Variants in CSGALNACT1 observed in about 807,000 individuals in gnomAD.
CSGALNACT1 encodes chondroitin sulfate N-acetylgalactosaminyltransferase 1, also known as beta4GalNAcT-1.
A neutral mutation model predicts 51.0 loss-of-function variants in CSGALNACT1; 52 were observed. The ratio of observed to expected loss-of-function variants is 1.02; its 90% CI spans 0.82 to 1.29. The LOEUF (loss-of-function observed/expected upper bound fraction) is 1.29, where lower values mean the gene tolerates loss of function less well. CSGALNACT1 is among the 50% of genes most tolerant of loss of function. The pLI, the probability that CSGALNACT1 is intolerant of heterozygous loss-of-function variation, is 0.00. For missense variants in CSGALNACT1, 935 were observed against 679.2 expected, an observed-to-expected ratio of 1.38 and a Z score of -4.19; for synonymous variants, 341 against 254.4, an observed-to-expected ratio of 1.34 and a Z score of -3.24.
intron 5 of CSGALNACT1, 118 bp from the exon 5 acceptor site, chr8:19,440,049 G>A (rs1390388124): frequency 3.7e-6 from 3 of 804,998 alleles, no homozygotes; most frequent in Admixed American, 2.0e-5. Context: ...TAAACTTCCA[G>A]GAGAGCCGAG....
At chr8:19,661,562 C>T (rs547520262) in intron 1 of CSGALNACT1, among the ~76,000 whole-genome samples, 12 of 152,284 alleles carry the variant, frequency 7.9e-5, no homozygotes, top group East Asian at 5.8e-4. Context: ...GTACTATTCC[C>T]GCTATGTGGA....
chr8:19,644,431 G>A (rs1361177290), intron 1 of CSGALNACT1, among the ~76,000 whole-genome samples: 2 of 149,892 alleles, frequency 1.3e-5, no homozygotes, highest in African/African-American at 2.4e-5. Context: ...AATGAGGGGC[G>A]GGGTGCAGTG....
intron 1 of CSGALNACT1, among the ~76,000 whole-genome samples, chr8:19,699,661 T>A (rs951387866): frequency 6.6e-6 from 1 of 152,224 alleles, no homozygotes; most frequent in Non-Finnish European, 1.5e-5. Flanking sequence ...TCTTGTTTAA[T>A]GGGTACAGTT....
chr8:19,510,753 A>C (rs1431545701), intron 3 of CSGALNACT1, among the ~76,000 whole-genome samples: 1 of 152,250 alleles, frequency 6.6e-6, no homozygotes, highest in Non-Finnish European at 1.5e-5. Context: ...ACAGAAGTTT[A>C]AGATAAATGT....
intron 6 of CSGALNACT1, among the ~76,000 whole-genome samples, chr8:19,438,689 A>G (rs528756929): frequency 3.0e-4 from 45 of 152,248 alleles, no homozygotes; most frequent in Non-Finnish European, 4.0e-4. Context: ...GCCACAAATA[A>G]TATGTAAACA....
At chr8:19,502,537 A>G (rs2076599766) in intron 4 of CSGALNACT1, among the ~76,000 whole-genome samples, 2 of 152,274 alleles carry the variant, frequency 1.3e-5, no homozygotes, top group East Asian at 1.9e-4. Flanking sequence ...ATACTACTAC[A>G]TGGTTCACCA....
chr8:19,592,120 T>C (rs1340742551), intron 2 of CSGALNACT1, among the ~76,000 whole-genome samples: 1 of 152,168 alleles, frequency 6.6e-6, no homozygotes, highest in African/African-American at 2.4e-5. Flanking sequence ...AGAAACGCTA[T>C]GAAAATGCTT....
At chr8:19,480,331 T>C (rs2071013084) in intron 4 of CSGALNACT1, among the ~76,000 whole-genome samples, 1 of 152,186 alleles carries the variant, frequency 6.6e-6, no homozygotes. Flanking sequence ...GTTTTCATCA[T>C]TTAGCTACCA....
chr8:19,691,039 T>A (rs1434772180), intron 1 of CSGALNACT1, among the ~76,000 whole-genome samples: 1 of 152,058 alleles, frequency 6.6e-6, no homozygotes, highest in Non-Finnish European at 1.5e-5. Context: ...CTGCAGTGAG[T>A]GGCAATTGCA....
intron 8 of CSGALNACT1, among the ~76,000 whole-genome samples, chr8:19,409,462 A>T (rs1300149549): frequency 6.6e-6 from 1 of 151,754 alleles, no homozygotes; most frequent in Non-Finnish European, 1.5e-5. Flanking sequence ...TGAAACAGCA[A>T]GGCTTTTCAA....
chr8:19,705,692 G>A (rs1022493768), intron 1 of CSGALNACT1, among the ~76,000 whole-genome samples: 2 of 151,926 alleles, frequency 1.3e-5, no homozygotes, highest in African/African-American at 2.4e-5. Context: ...AGCTGAGATC[G>A]CACTACTTCA....
chr8:19,439,820 T>C lies in CSGALNACT1; in HGVS notation c.953+10A>G, dbSNP rs758078714. The C allele has an allele frequency of 1.0e-4, 162 of 1,600,540 alleles. No individual in the cohort carries two copies. Among genetic ancestry groups the C allele is most frequent in the Admixed American group, 1.3e-4 (8 of 59,964 alleles). ...CAGGATTCCTTATGACAGCTCCGTA[T>C]TGTACTCACTTGGAAGTGTTTTCAA... On this transcript the variant is annotated intron_variant, in intron 6 of 9. Coordinates refer to ENST00000454498, the Ensembl canonical transcript of CSGALNACT1.
chr8:19,636,825 C>A (rs1268681944), intron 1 of CSGALNACT1, among the ~76,000 whole-genome samples: 3 of 152,100 alleles, frequency 2.0e-5, no homozygotes, highest in Non-Finnish European at 4.4e-5. Context: ...TTTCACAGGT[C>A]AATCAAAATC....
At position 19,439,982 on chromosome 8, in the gene CSGALNACT1, C is replaced by G. The variant is rs751016667; in HGVS notation, c.852-51G>C. 4 of 1,452,050 alleles carry G rather than the reference C, an allele frequency of 2.8e-6. No homozygotes were observed. The Admixed American group carries it at 6.7e-5, about 24-fold the overall frequency. 89.9% of individuals were successfully genotyped at this position (1,452,050 alleles called of 1,614,324 possible). ...TGGCACCTGTTTTCACACTGACAGGCACAGCACAAACCAATACCTTTTTGT... is the reference window on the plus strand; with the variant it reads ...TGGCACCTGTTTTCACACTGACAGGGACAGCACAAACCAATACCTTTTTGT... On this transcript the variant is annotated intron_variant, in intron 5 of 9. Transcript: ENST00000454498.
intron 1 of CSGALNACT1, among the ~76,000 whole-genome samples, chr8:19,707,952 G>A (rs1255462956): frequency 6.6e-6 from 1 of 152,184 alleles, no homozygotes; most frequent in Non-Finnish European, 1.5e-5. Flanking sequence ...AGGTTGCAGT[G>A]AGCTGAGATG....
intron 3 of CSGALNACT1, among the ~76,000 whole-genome samples, chr8:19,509,945 A>G (rs1166145702): frequency 1.3e-5 from 2 of 152,132 alleles, no homozygotes; most frequent in East Asian, 3.9e-4. Context: ...GACCAGGTCA[A>G]TCTCTTGGGG....
At chr8:19,428,639 G>A (rs1374781614) in intron 6 of CSGALNACT1, among the ~76,000 whole-genome samples, 1 of 152,104 alleles carries the variant, frequency 6.6e-6, no homozygotes, top group African/African-American at 2.4e-5. Context: ...ATAAGGACTG[G>A]CGAATAGTGG....
intron 1 of CSGALNACT1, among the ~76,000 whole-genome samples, chr8:19,653,796 T>TC (rs2058033977): frequency 9.6e-6 from 1 of 104,246 alleles, no homozygotes; most frequent in Non-Finnish European, 2.3e-5. Flanking sequence ...ATACCTTGTC[T>TC]TAAAAAAAAA....
intron 1 of CSGALNACT1, among the ~76,000 whole-genome samples, chr8:19,652,564 G>A (rs1046614384): frequency 2.0e-5 from 3 of 150,684 alleles, no homozygotes; most frequent in Non-Finnish European, 2.9e-5. Context: ...CCTTCCTTCT[G>A]TCTATTGCCT....
Sources: allele counts gnomAD v4.1 joint callset (sites outside exome capture counted in the v4.1 genomes callset), GRCh38; gene constraint gnomAD v4.1.1; transcripts MANE v1.5; gene names NCBI Gene and HGNC (gene_info 2026-07-23, HGNC 2026-07-21).